Variants in CSNK1G2 observed in about 807,000 individuals in gnomAD.
CSNK1G2 encodes casein kinase 1 gamma 2.
In CSNK1G2, 11 loss-of-function variants were observed where a neutral mutation model predicts 48.0. The observed-to-expected ratio is 0.23, with a 90% confidence interval of 0.14 to 0.38. CSNK1G2 has a LOEUF of 0.38. CSNK1G2 is among the 10% of genes least tolerant of loss of function. The pLI, the probability that CSNK1G2 is intolerant of heterozygous loss-of-function variation, is 1.00. For synonymous variants in CSNK1G2, 337 were observed against 254.1 expected, an observed-to-expected ratio of 1.33 and a Z score of -3.10; for missense variants, 446 against 595.5, an observed-to-expected ratio of 0.75 and a Z score of 2.61.
rs140393631 is a variant in CSNK1G2 at position 1,980,537 on chromosome 19, A to T, written c.*334A>T. The T allele has an allele frequency of 1.4e-5, 5 of 357,244 alleles. No individual in the cohort carries two copies. The East Asian group carries it at 3.3e-4, about 23-fold the overall frequency. The allele number at this position is 357,244 out of a possible 1,614,324, so 22.1% of individuals were successfully genotyped here. A position where few individuals can be genotyped will look rare whatever the true frequency, so the allele number is the denominator to read the frequency against. ...CCTCCGTTTCTTTGCTGAAGTGAGT[A>T]GTGTGATCCTGGAGGCCCCCCGGCC... On this transcript the variant is annotated 3_prime_UTR_variant, in exon 12 of 12. Coordinates refer to ENST00000255641, the MANE Select transcript of CSNK1G2 (RefSeq NM_001319.7).
chr19:1,950,250 C>T (rs1382337090), intron 1 of CSNK1G2, among the ~76,000 whole-genome samples: 8 of 152,200 alleles, frequency 5.3e-5, no homozygotes, highest in African/African-American at 1.9e-4. Flanking sequence ...CACCATTCTC[C>T]TGCCTCAGCC....
chr19:1,966,246 C>A (rs183222118), intron 1 of CSNK1G2, among the ~76,000 whole-genome samples: 1 of 152,278 alleles, frequency 6.6e-6, no homozygotes, highest in Non-Finnish European at 1.5e-5. Flanking sequence ...GAAGGACACG[C>A]GTGATCCATG....
At chr19:1,944,639 C>T (rs944341037) in intron 1 of CSNK1G2, among the ~76,000 whole-genome samples, 3 of 145,240 alleles carry the variant, frequency 2.1e-5, no homozygotes, top group East Asian at 2.2e-4. Context: ...GTGACTGGCA[C>T]GTGGGTGCAG....
chr19:1,960,065 C>A (rs1287928689), intron 1 of CSNK1G2, among the ~76,000 whole-genome samples: 1 of 152,196 alleles, frequency 6.6e-6, no homozygotes, highest in Admixed American at 6.5e-5. Context: ...AAACCCCCAC[C>A]CACGTCCAGG....
intron 2 of CSNK1G2, among the ~76,000 whole-genome samples, chr19:1,977,532 C>T (rs753948166): frequency 2.0e-5 from 3 of 152,150 alleles, no homozygotes; most frequent in Admixed American, 1.3e-4. Flanking sequence ...GCAGGCAGAT[C>T]GCTTGAGCTC....
intron 1 of CSNK1G2, among the ~76,000 whole-genome samples, chr19:1,967,754 GC>G (rs1369063955): frequency 9.9e-5 from 7 of 70,550 alleles, no homozygotes; most frequent in East Asian, 8.6e-4. Context: ...TCCCCAGGCT[GC>G]CCCCGACCAC....
intron 1 of CSNK1G2, chr19:1,952,684 C>T (rs2014812083): frequency 8.1e-6 from 2 of 247,950 alleles, no homozygotes; most frequent in Admixed American, 5.9e-5. Context: ...ACAGGCCTGA[C>T]TCTGAGGGTC....
At chr19:1,955,648 A>G (rs1043586078) in intron 1 of CSNK1G2, among the ~76,000 whole-genome samples, 2 of 152,044 alleles carry the variant, frequency 1.3e-5, no homozygotes, top group East Asian at 3.9e-4. Flanking sequence ...CTGTCCGCCC[A>G]CGACCCCCTC....
chr19:1,975,921 G>C lies in CSNK1G2; in HGVS notation c.188-2384G>C, dbSNP rs772594766. ...TTGATGGTGCCTGCCTGTAATTCCA[G>C]CTACTCAGGAGGCTGAGGCAGGAGA... On this transcript the variant is annotated intron_variant, in intron 2 of 11. Coordinates refer to ENST00000255641, the MANE Select transcript of CSNK1G2 (RefSeq NM_001319.7). The C allele has an allele frequency of 1.1e-3, 599 of 569,908 alleles. 2 individuals are homozygous for C. Among genetic ancestry groups the C allele is most frequent in the Non-Finnish European group, 1.3e-3 (573 of 450,342 alleles). The allele number at this position is 569,908 out of a possible 1,614,324, so 35.3% of individuals were successfully genotyped here. A position where few individuals can be genotyped will look rare whatever the true frequency, so the allele number is the denominator to read the frequency against.
intron 1 of CSNK1G2, among the ~76,000 whole-genome samples, chr19:1,942,308 TG>T (rs1245872787): frequency 1.3e-5 from 2 of 152,170 alleles, no homozygotes; most frequent in Non-Finnish European, 2.9e-5. Flanking sequence ...TTGAGGGGCG[TG>T]GGGGCTGAGA....
intron 2 of CSNK1G2, among the ~76,000 whole-genome samples, chr19:1,974,524 C>T (rs1352361056): frequency 2.6e-5 from 4 of 152,172 alleles, no homozygotes; most frequent in East Asian, 1.9e-4. Flanking sequence ...TGTGGAGTGA[C>T]GTCTGTGCTG....
chr19:1,954,065 A>G (rs1168607286), intron 1 of CSNK1G2: 4 of 510,984 alleles, frequency 7.8e-6, no homozygotes, highest in Non-Finnish European at 1.2e-5. Context: ...GCTTCCTCCC[A>G]TGGGGTGGGC....
chr19:1,980,330 C>A lies in CSNK1G2; in HGVS notation c.*127C>A. The A allele has an allele frequency of 8.4e-7, 1 of 1,194,612 alleles. No homozygotes were observed. Among genetic ancestry groups the A allele is most frequent in the Non-Finnish European group, 1.2e-6 (1 of 820,450 alleles). 74.0% of individuals were successfully genotyped at this position (1,194,612 alleles called of 1,614,324 possible). A position where few individuals can be genotyped will look rare whatever the true frequency, so the allele number is the denominator to read the frequency against. ...CCCTGGCTGGAAGCCAGAACGCAGA[C>A]TGCAGGGGCCGCGCCTGGCTCAGGC... On this transcript the variant is annotated 3_prime_UTR_variant, in exon 12 of 12. Coordinates refer to ENST00000255641, the MANE Select transcript of CSNK1G2 (RefSeq NM_001319.7).
chr19:1,945,315 C>T (rs1023615612), intron 1 of CSNK1G2, among the ~76,000 whole-genome samples: 1 of 152,220 alleles, frequency 6.6e-6, no homozygotes, highest in African/African-American at 2.4e-5. Context: ...GCCCCCGGTG[C>T]GGCTGACTGT....
intron 1 of CSNK1G2, among the ~76,000 whole-genome samples, chr19:1,949,582 C>T (rs908051709): frequency 1.3e-5 from 2 of 152,154 alleles, no homozygotes; most frequent in Non-Finnish European, 2.9e-5. Context: ...CTGCGAGCAC[C>T]CGTGTCCGGT....
At chr19:1,944,794 C>T (rs964198729) in intron 1 of CSNK1G2, among the ~76,000 whole-genome samples, 9 of 152,176 alleles carry the variant, frequency 5.9e-5, no homozygotes, top group Admixed American at 5.2e-4. Context: ...GGCAGCCCTG[C>T]AGCGGGCAGG....
At chr19:1,976,285 G>A (rs1175842365) in intron 2 of CSNK1G2, among the ~76,000 whole-genome samples, 1 of 152,044 alleles carries the variant, frequency 6.6e-6, no homozygotes, top group South Asian at 2.1e-4. Flanking sequence ...GGACTGGAGG[G>A]GTTGCCCTGG....
intron 1 of CSNK1G2, among the ~76,000 whole-genome samples, chr19:1,959,014 G>A (rs1409735316): frequency 6.9e-6 from 1 of 145,172 alleles, no homozygotes; most frequent in Non-Finnish European, 1.5e-5. Context: ...TTCCCAGTCT[G>A]CATCTCCATC....
chr19:1,979,542 G>C lies in CSNK1G2; in HGVS notation c.901G>C (p.Glu301Gln), dbSNP rs562955675. 2 of 1,608,116 alleles carry C rather than the reference G, an allele frequency of 1.2e-6. No homozygotes were observed. The highest frequency in any genetic ancestry group is 1.3e-5 in the African/African-American group (1 of 74,548). Residue 301 changes from glutamate (E) to glutamine (Q), a missense_variant, in exon 9 of 12, where the codon GAG becomes CAG. Glu to Gln is a conservative substitution (Grantham distance 29, BLOSUM62 2). Transcript: ENST00000255641. The part of the protein sequence containing the change: ...LRYVRRLDFF[E>Q]KPDYDYLRKL... ...CTATGTGCGGCGCCTGGACTTCTTCGAGAAGCCCGACTATGACTACCTGCG... is the reference window on the plus strand; with the variant it reads ...CTATGTGCGGCGCCTGGACTTCTTCCAGAAGCCCGACTATGACTACCTGCG...
Sources: allele counts gnomAD v4.1 joint callset (sites outside exome capture counted in the v4.1 genomes callset), GRCh38; gene constraint gnomAD v4.1.1; transcripts MANE v1.5; gene names NCBI Gene and HGNC (gene_info 2026-07-23, HGNC 2026-07-21).